The following DCSTAMP variants were observed in gnomAD, a reference collection of about 807,000 sequenced individuals.
The protein encoded by DCSTAMP is dendrocyte expressed seven transmembrane protein.
Under a neutral mutation model 33.8 loss-of-function variants are expected in DCSTAMP, and 25 were observed. The ratio of observed to expected loss-of-function variants is 0.74; its 90% CI spans 0.54 to 1.03. The LOEUF is 1.03. DCSTAMP is among the 50% of genes least tolerant of loss of function. DCSTAMP has a pLI of 0.00. For missense variants in DCSTAMP, 531 were observed against 556.8 expected, an observed-to-expected ratio of 0.95 and a Z score of 0.47; for synonymous variants, 245 against 216.7, an observed-to-expected ratio of 1.13 and a Z score of -1.15.
intron 2 of DCSTAMP, among the ~76,000 whole-genome samples, chr8:104,352,325 A>C (rs1433049739): frequency 8.5e-5 from 13 of 152,198 alleles, no homozygotes; most frequent in Admixed American, 2.0e-4. Flanking sequence ...GTTAATTACA[A>C]GGCACCCTGT....
chr8:104,343,452 G>C (rs952828741), intron 1 of DCSTAMP, among the ~76,000 whole-genome samples: 93 of 152,324 alleles, frequency 6.1e-4, no homozygotes, highest in South Asian at 6.2e-4. Context: ...TGGTGACTCA[G>C]GACCAACTGG....
At chr8:104,343,361 G>A (rs906780381) in intron 1 of DCSTAMP, among the ~76,000 whole-genome samples, 13 of 152,184 alleles carry the variant, frequency 8.5e-5, no homozygotes, top group Admixed American at 3.9e-4. Context: ...AATAACTACC[G>A]TCTATTATTA....
intron 1 of DCSTAMP, among the ~76,000 whole-genome samples, chr8:104,346,445 T>C (rs1321778370): frequency 1.3e-5 from 2 of 152,234 alleles, no homozygotes; most frequent in African/African-American, 4.8e-5. Flanking sequence ...GGGCCTATGG[T>C]AAGGCCTGTC....
chr8:104,345,461 T>C (rs990718450), intron 1 of DCSTAMP, among the ~76,000 whole-genome samples: 9 of 152,216 alleles, frequency 5.9e-5, no homozygotes, highest in Non-Finnish European at 1.3e-4. Context: ...CAGAAAGTTT[T>C]GGTGTCTGGT....
At chr8:104,347,385 C>A (rs1301293561) in intron 1 of DCSTAMP, among the ~76,000 whole-genome samples, 6 of 152,054 alleles carry the variant, frequency 3.9e-5, no homozygotes, top group African/African-American at 1.5e-4. Flanking sequence ...GTTTGGATGC[C>A]CTTGGTGTGC....
At chr8:104,350,997 C>T (rs1392622785) in intron 2 of DCSTAMP, among the ~76,000 whole-genome samples, 1 of 152,186 alleles carries the variant, frequency 6.6e-6, no homozygotes, top group South Asian at 2.1e-4. Context: ...CACCTAATTG[C>T]CATCAGATGG....
intron 1 of DCSTAMP, among the ~76,000 whole-genome samples, chr8:104,342,676 G>A (rs2099383127): frequency 6.6e-6 from 1 of 152,182 alleles, no homozygotes; most frequent in East Asian, 1.9e-4. Flanking sequence ...CTGCCTGCAG[G>A]GGACAGGATG....
At position 104,348,523 on chromosome 8, in the gene DCSTAMP, T is replaced by C; in HGVS notation, c.-12-18T>C. ...ATTCAAAAGTAATTTCTGACCTTGG[T>C]TTCTTTTTCATTTTCAGGACGCAGG... On this transcript the variant is annotated intron_variant, in intron 1 of 3. Transcript: ENST00000297581. The C allele has an allele frequency of 6.3e-7, 1 of 1,589,534 alleles. No homozygotes were observed. Among genetic ancestry groups the C allele is most frequent in the African/African-American group, 1.4e-5 (1 of 73,606 alleles).
intron 1 of DCSTAMP, among the ~76,000 whole-genome samples, chr8:104,343,891 C>G (rs551630757): frequency 2.6e-5 from 4 of 152,344 alleles, no homozygotes; most frequent in African/African-American, 9.6e-5. Context: ...TTCCAGCCTC[C>G]ACCACTGTGA....
intron 1 of DCSTAMP, among the ~76,000 whole-genome samples, chr8:104,342,792 T>C (rs1478176780): frequency 6.6e-6 from 1 of 152,220 alleles, no homozygotes; most frequent in Non-Finnish European, 1.5e-5. Context: ...GAGACAGCCC[T>C]TGATCTGGAC....
intron 2 of DCSTAMP, among the ~76,000 whole-genome samples, chr8:104,350,208 T>A (rs989795022): frequency 1.4e-4 from 21 of 152,212 alleles, no homozygotes; most frequent in African/African-American, 5.1e-4. Flanking sequence ...CAGGGCATCA[T>A]CCAGCCTCCT....
intron 3 of DCSTAMP, among the ~76,000 whole-genome samples, chr8:104,355,449 G>A (rs759139758): frequency 6.6e-6 from 1 of 152,134 alleles, no homozygotes; most frequent in Non-Finnish European, 1.5e-5. Flanking sequence ...GTAGAGAGGC[G>A]ACTGGAGAGG....
rs192330910 is a variant in DCSTAMP at position 104,346,566 on chromosome 8, T to C, written c.-12-1975T>C. ...CATTTTAATTACCATTCTAATTCCC[T>C]TTCCTGCTGATGCTGTCAGAACATC... On this transcript the variant is annotated intron_variant, in intron 1 of 3. Transcript: ENST00000297581. Among the ~76,000 whole-genome samples, 41 of 152,344 alleles carry C rather than the reference T, an allele frequency of 2.7e-4. 1 individual carries two copies. Among genetic ancestry groups the C allele is most frequent in the East Asian group, 7.7e-4 (4 of 5,188 alleles).
rs774430862 is a variant in DCSTAMP at position 104,355,089 on chromosome 8, G to A, written c.1242G>A (p.Arg414=). Residue 414 remains arginine, a synonymous_variant, in exon 3 of 4, where the codon AGG becomes AGA. Transcript: ENST00000297581. ...CATCTTTCTACCCCAGCGTGGAGAGGAAGCGCATCCAATATCTGCATGCAA... is the reference window on the plus strand; with the variant it reads ...CATCTTTCTACCCCAGCGTGGAGAGAAAGCGCATCCAATATCTGCATGCAA... The part of the protein sequence containing the change: ...VSASFYPSVE[R]KRIQYLHAKL... The A allele has an allele frequency of 6.2e-7, 1 of 1,613,958 alleles. No individual in the cohort carries two copies. The highest frequency in any genetic ancestry group is 8.5e-7 in the Non-Finnish European group (1 of 1,180,022).
intron 1 of DCSTAMP, among the ~76,000 whole-genome samples, chr8:104,343,782 C>T (rs976248839): frequency 6.6e-6 from 1 of 152,230 alleles, no homozygotes; most frequent in Non-Finnish European, 1.5e-5. Context: ...CACCCACCTT[C>T]TCTCCCCGCC....
rs547454192 is a variant in DCSTAMP at position 104,350,688 on chromosome 8, G to A, written c.1029+1107G>A. Among the ~76,000 whole-genome samples, 4 of 152,284 alleles carry A rather than the reference G, an allele frequency of 2.6e-5. No homozygotes were observed. The East Asian group carries it at 7.7e-4, about 29-fold the overall frequency. ...TTAACTGGGAGAGCATTTTAAATGA[G>A]CATGCCTGTGATTTCAAGGTAGGTG... On this transcript the variant is annotated intron_variant, in intron 2 of 3. Coordinates refer to ENST00000297581, the MANE Select transcript of DCSTAMP (RefSeq NM_030788.4).
Position 104,349,355 on chromosome 8 carries a change from C to G in DCSTAMP, c.803C>G (p.Pro268Arg). Residue 268 changes from proline to arginine, a missense_variant, in exon 2 of 4, where the codon CCG becomes CGG. Pro to Arg is a moderately radical substitution (Grantham distance 103). Coordinates refer to ENST00000297581, the MANE Select transcript of DCSTAMP (RefSeq NM_030788.4). ...CATCAACAGAGGCCCTGTGTGCTCCCGCTGAATAAGGAGGAAAGGAGGAAG... is the reference window on the plus strand; with the variant it reads ...CATCAACAGAGGCCCTGTGTGCTCCGGCTGAATAAGGAGGAAAGGAGGAAG... The part of the protein sequence containing the change: ...ERHQQRPCVL[P>R]LNKEERRKYV... 1.2e-6 allele frequency: 2 copies of G among 1,614,162 alleles called. No individual in the cohort carries two copies. The highest frequency in any genetic ancestry group is 1.7e-6 in the Non-Finnish European group (2 of 1,180,040).
At chr8:104,352,995 G>T (rs916013785) in intron 2 of DCSTAMP, among the ~76,000 whole-genome samples, 2 of 152,164 alleles carry the variant, frequency 1.3e-5, no homozygotes, top group Non-Finnish European at 2.9e-5. Context: ...GAGAAACACT[G>T]GCTCAAGGTG....
At chr8:104,350,123 TTAA>T (rs1279317272) in intron 2 of DCSTAMP, among the ~76,000 whole-genome samples, 3 of 152,340 alleles carry the variant, frequency 2.0e-5, no homozygotes, top group East Asian at 3.9e-4. Flanking sequence ...GATCTTTGAC[TTAA>T]TAACATTTGC....
Sources: gnomAD v4.1 joint callset for allele counts (sites outside exome capture counted in the v4.1 genomes callset) on GRCh38, gnomAD v4.1.1 for gene constraint, MANE v1.5 for transcripts, NCBI Gene and HGNC (gene_info 2026-07-23, HGNC 2026-07-21) for gene names.